The following RAD54B variants were observed in gnomAD, a reference collection of about 807,000 sequenced individuals.
RAD54B encodes the protein DNA repair and recombination protein RAD54B.
A neutral mutation model predicts 95.8 loss-of-function variants in RAD54B; 78 were observed. The ratio of observed to expected loss-of-function variants is 0.81; its 90% confidence interval spans 0.68 to 0.98. The LOEUF (loss-of-function observed/expected upper bound fraction) is 0.98. RAD54B is among the 50% of genes least tolerant of loss of function. The pLI, the probability that RAD54B is intolerant of heterozygous loss-of-function variation, is 0.00. For synonymous variants in RAD54B, 328 were observed against 354.9 expected (o/e 0.92, Z 0.85); for missense variants, 957 against 1,056.6 (o/e 0.91, Z 1.31).
chr8:94,442,024 A>G lies in RAD54B; in HGVS notation c.304+16244T>C, dbSNP rs147393456. ...TGTCCATCAACAGATGAATAAAGAA[A>G]ATGAACTGCATATACACAATGGAAT... On this transcript the variant is annotated intron_variant, in intron 3 of 14. Coordinates refer to ENST00000336148, the MANE Select transcript of RAD54B (RefSeq NM_012415.3). 2.6e-5 allele frequency among the ~76,000 whole-genome samples: 4 copies of G among 152,364 alleles called. No individual in the cohort carries two copies. The East Asian group carries it at 7.7e-4, about 29-fold the overall frequency.
At chr8:94,402,117 C>T (rs923945764) in intron 6 of RAD54B, among the ~76,000 whole-genome samples, 1 of 152,010 alleles carries the variant, frequency 6.6e-6, no homozygotes, top group Admixed American at 6.6e-5. Context: ...ACTACCATCA[C>T]GATTTGTTGT....
At chr8:94,465,547 T>C (rs1813003893) in intron 2 of RAD54B, among the ~76,000 whole-genome samples, 1 of 152,194 alleles carries the variant, frequency 6.6e-6, no homozygotes, top group African/African-American at 2.4e-5. Context: ...ACTACAACCA[T>C]CACACATTCC....
intron 3 of RAD54B, chr8:94,430,011 A>C: frequency 1.0e-6 from 1 of 985,238 alleles, no homozygotes; most frequent in South Asian, 4.7e-5. Flanking sequence ...GTTAAGTCTG[A>C]CTCATTAAAA....
chr8:94,422,710 C>G (rs1811852779), intron 3 of RAD54B, among the ~76,000 whole-genome samples: 1 of 118,954 alleles, frequency 8.4e-6, no homozygotes, highest in African/African-American at 3.1e-5. Flanking sequence ...AATTCTAAAT[C>G]CAGTTTCAGA....
intron 3 of RAD54B, among the ~76,000 whole-genome samples, chr8:94,436,236 C>T (rs1460369686): frequency 6.6e-6 from 1 of 152,028 alleles, no homozygotes; most frequent in Non-Finnish European, 1.5e-5. Context: ...AAATTTCAAC[C>T]CACTTATTCC....
chr8:94,377,372 C>T (rs998031178), intron 14 of RAD54B, among the ~76,000 whole-genome samples: 2 of 150,890 alleles, frequency 1.3e-5, no homozygotes, highest in Non-Finnish European at 3.0e-5. Flanking sequence ...CTCGTCTCTA[C>T]AAAAAATACA....
At chr8:94,374,152 G>A (rs796162315) in intron 14 of RAD54B, among the ~76,000 whole-genome samples, 38 of 152,166 alleles carry the variant, frequency 2.5e-4, no homozygotes, top group African/African-American at 7.9e-4. Flanking sequence ...GGTGGCAGGC[G>A]CCTGTAGTCC....
At chr8:94,445,898 T>C (rs1247140691) in intron 3 of RAD54B, among the ~76,000 whole-genome samples, 2 of 152,168 alleles carry the variant, frequency 1.3e-5, no homozygotes, top group Non-Finnish European at 2.9e-5. Context: ...TTTGAAACTT[T>C]AGAACTCTTT....
rs1260073794 is a variant in RAD54B at position 94,458,324 on chromosome 8, CT to C, written c.247del (p.Ser83ValfsTer14). 1.1e-5 allele frequency: 17 copies of C among 1,610,290 alleles called. No homozygotes were observed. Among genetic ancestry groups the C allele is most frequent in the Non-Finnish European group, 1.4e-5 (17 of 1,178,646 alleles). ...TREINNRDNC[S>X]GKYCFEAPTL... ...AGGTGCTTCAAAACAATATTTTCCA[CT>C]GCAATTATCTCTGTTATTGATTTCT... On this transcript the variant is annotated frameshift_variant, in exon 3 of 15. Coordinates refer to ENST00000336148, the MANE Select transcript of RAD54B (RefSeq NM_012415.3). LOFTEE classifies it high-confidence loss of function.
chr8:94,407,720 C>G lies in RAD54B; in HGVS notation c.500G>C (p.Gly167Ala). The change falls in exon 5 of 15, where the codon GGC (glycine) becomes GCC (alanine). Residue 167 changes from glycine (G) to alanine (A), a missense_variant and splice_region_variant. By Grantham distance (60) the Gly-to-Ala change is moderately conservative (BLOSUM62 0). Transcript: ENST00000336148. ...KNLEGKDIGR[G>A]IGYKFKELEK... The stretch of plus-strand genomic sequence containing the variant: ...AAGCTCTTTGAATTTATAACCAATG[C>G]CTTTAAGTTAAGAAAGAAAAAAATT... 6.2e-7 allele frequency: 1 copy of G among 1,603,180 alleles called. No individual in the cohort carries two copies. Among genetic ancestry groups the G allele is most frequent in the Non-Finnish European group, 8.5e-7 (1 of 1,173,782 alleles).
At chr8:94,469,977 C>A (rs1044074812) in intron 1 of RAD54B, among the ~76,000 whole-genome samples, 3 of 152,172 alleles carry the variant, frequency 2.0e-5, no homozygotes, top group African/African-American at 7.2e-5. Context: ...TACATACATA[C>A]ATCATGTTTC....
chr8:94,399,123 T>C (rs1173167532), intron 8 of RAD54B, among the ~76,000 whole-genome samples: 1 of 152,064 alleles, frequency 6.6e-6, no homozygotes, highest in Non-Finnish European at 1.5e-5. Context: ...TGCTCCAAGT[T>C]GTACAGCTAT....
At chr8:94,431,045 A>C in intron 3 of RAD54B, 1 of 985,330 alleles carries the variant, frequency 1.0e-6, no homozygotes, top group Non-Finnish European at 1.2e-6. Flanking sequence ...CCCATTCTAC[A>C]ACTTGGCTTA....
chr8:94,428,916 A>T (rs1253449071), intron 3 of RAD54B: 1 of 985,026 alleles, frequency 1.0e-6, no homozygotes, highest in African/African-American at 1.7e-5. Flanking sequence ...GATAATAAAC[A>T]GCCTCGGAAA....
intron 6 of RAD54B, among the ~76,000 whole-genome samples, chr8:94,402,544 A>G (rs1006310286): frequency 6.6e-6 from 1 of 151,888 alleles, no homozygotes; most frequent in Non-Finnish European, 1.5e-5. Context: ...GTAAGCCACC[A>G]TGCCCAGCCT....
intron 5 of RAD54B, among the ~76,000 whole-genome samples, chr8:94,404,962 C>T (rs1017522042): frequency 8.6e-5 from 13 of 151,864 alleles, no homozygotes; most frequent in Admixed American, 2.6e-4. Flanking sequence ...TACAGGTTCG[C>T]GCCACCACAC....
At chr8:94,424,430 C>A (rs1258419186) in intron 3 of RAD54B, among the ~76,000 whole-genome samples, 5 of 152,186 alleles carry the variant, frequency 3.3e-5, no homozygotes, top group Non-Finnish European at 2.9e-5. Flanking sequence ...ACACCATCAA[C>A]ATTTGCCCTT....
chr8:94,433,932 T>C (rs935456676), intron 3 of RAD54B, among the ~76,000 whole-genome samples: 2 of 151,814 alleles, frequency 1.3e-5, no homozygotes, highest in Non-Finnish European at 3.0e-5. Context: ...TACTTACTAA[T>C]GCCATTAAAT....
At chr8:94,399,974 A>C (rs1158861678) in intron 7 of RAD54B, among the ~76,000 whole-genome samples, 1 of 150,912 alleles carries the variant, frequency 6.6e-6, no homozygotes, top group East Asian at 1.9e-4. Flanking sequence ...TAATCTCATC[A>C]CGTGGCTCTA....
Sources: gnomAD v4.1 joint callset for allele counts (sites outside exome capture counted in the v4.1 genomes callset) on GRCh38, gnomAD v4.1.1 for gene constraint, MANE v1.5 for transcripts, NCBI Gene and HGNC (gene_info 2026-07-23, HGNC 2026-07-21) for gene names.